The following SEMA3A variants were observed in gnomAD, a reference collection of about 807,000 sequenced individuals.
SEMA3A encodes the protein semaphorin-3A.
Under a neutral mutation model 97.9 loss-of-function variants are expected in SEMA3A, and 29 were observed. The ratio of observed to expected loss-of-function variants is 0.30; its 90% CI spans 0.22 to 0.40. The LOEUF (loss-of-function observed/expected upper bound fraction) is 0.40, where lower values mean the gene tolerates loss of function less well. Ranked by LOEUF, SEMA3A falls within the 10% of genes least tolerant of loss-of-function variation. SEMA3A has a pLI of 1.00. For missense variants in SEMA3A, 763 were observed against 951.3 expected, an observed-to-expected ratio of 0.80 and a Z score of 2.60; for synonymous variants, 321 against 323.7, an observed-to-expected ratio of 0.99 and a Z score of 0.09.
intron 1 of SEMA3A, among the ~76,000 whole-genome samples, chr7:84,434,310 C>T (rs2116325796): frequency 6.6e-6 from 1 of 152,032 alleles, no homozygotes; most frequent in South Asian, 2.1e-4. Flanking sequence ...AAGAGTAAAT[C>T]AGGAAGAAAT....
intron 1 of SEMA3A, among the ~76,000 whole-genome samples, chr7:84,395,141 T>G (rs761539431): frequency 6.6e-6 from 1 of 152,090 alleles, no homozygotes; most frequent in Non-Finnish European, 1.5e-5. Flanking sequence ...CTTATGTCAC[T>G]AGTATTGTAT....
At chr7:84,249,628 A>G (rs1170561663) in intron 3 of SEMA3A, among the ~76,000 whole-genome samples, 1 of 152,054 alleles carries the variant, frequency 6.6e-6, no homozygotes, top group Non-Finnish European at 1.5e-5. Flanking sequence ...AAAGAGATAA[A>G]ACCAAATACT....
chr7:84,230,754 A>G (rs552800535), intron 3 of SEMA3A, among the ~76,000 whole-genome samples: 1 of 152,092 alleles, frequency 6.6e-6, no homozygotes, highest in East Asian at 1.9e-4. Flanking sequence ...AATCTTGATT[A>G]CACAGTTATC....
rs369761064 is a variant in SEMA3A at position 83,987,031 on chromosome 7, T to C, written c.1453-1554A>G. On this transcript the variant is annotated intron_variant, in intron 12 of 16. Coordinates refer to ENST00000265362, the MANE Select transcript of SEMA3A (RefSeq NM_006080.3). ...ATGCATTTCCATCTCATTTCCTTGC[T>C]TTAATTTTTCTCTTTAGTTCTTATT... is the stretch of plus-strand genomic sequence containing the variant. Among the ~76,000 whole-genome samples the C allele has an allele frequency of 2.9e-4, 44 of 151,704 alleles. No individual in the cohort carries two copies. In the East Asian group the frequency reaches 7.3e-3, roughly 25 times the overall value.
chr7:83,980,940 C>T (rs1789390414), intron 14 of SEMA3A, among the ~76,000 whole-genome samples: 2 of 152,006 alleles, frequency 1.3e-5, no homozygotes, highest in African/African-American at 4.8e-5. Flanking sequence ...CTACCTAAGA[C>T]TCTAAAGGAA....
At chr7:84,020,583 A>C (rs906630805) in intron 6 of SEMA3A, among the ~76,000 whole-genome samples, 2 of 152,008 alleles carry the variant, frequency 1.3e-5, no homozygotes, top group African/African-American at 4.8e-5. Flanking sequence ...CTTACTTACA[A>C]ACTTTCCTCT....
At chr7:84,404,778 C>A (rs542903217) in intron 1 of SEMA3A, among the ~76,000 whole-genome samples, 2 of 152,110 alleles carry the variant, frequency 1.3e-5, no homozygotes, top group African/African-American at 4.8e-5. Flanking sequence ...CCCAGAATTT[C>A]ATATCCAGCC....
At chr7:84,011,137 C>G in intron 8 of SEMA3A, 46 bp from the exon 9 acceptor site, 4 of 1,603,252 alleles carry the variant, frequency 2.5e-6, no homozygotes, top group Non-Finnish European at 3.4e-6. Flanking sequence ...TATGGAATGG[C>G]AAAGTCTGAA....
chr7:84,135,115 AC>A lies in SEMA3A; in HGVS notation c.113-165del, dbSNP rs1796085383. ...ATTGGAACCAAAATGTGTGCATTTT[AC>A]TTTTTTTTTTTTTTTTTGAGATGGA... On this transcript the variant is annotated intron_variant, in intron 1 of 16. Coordinates refer to ENST00000265362, the MANE Select transcript of SEMA3A (RefSeq NM_006080.3). Among the ~76,000 whole-genome samples, 3 of 126,178 alleles carry A rather than the reference AC, an allele frequency of 2.4e-5. No individual in the cohort carries two copies. In the Admixed American group the frequency reaches 2.7e-4, roughly 11 times the overall value. The allele number at this position is 126,178 out of a possible 152,430, so 82.8% of individuals were successfully genotyped here. A position where few individuals can be genotyped will look rare whatever the true frequency, so the allele number is the denominator to read the frequency against.
chr7:84,409,504 T>TAA (rs1368160288), intron 1 of SEMA3A, among the ~76,000 whole-genome samples: 1 of 152,116 alleles, frequency 6.6e-6, no homozygotes, highest in East Asian at 1.9e-4. Context: ...CTAATGTTTT[T>TAA]AGATCAAGAC....
chr7:84,026,885 A>G (rs568412016), intron 6 of SEMA3A, among the ~76,000 whole-genome samples: 1 of 152,262 alleles, frequency 6.6e-6, no homozygotes, highest in South Asian at 2.1e-4. Flanking sequence ...AGAAAAAAAT[A>G]ACTATTGGGT....
chr7:84,209,702 A>T (rs1798579311), intron 3 of SEMA3A, among the ~76,000 whole-genome samples: 1 of 152,218 alleles, frequency 6.6e-6, no homozygotes, highest in Admixed American at 6.5e-5. Context: ...TTTTAGTTGG[A>T]TAATAAAATG....
intron 2 of SEMA3A, among the ~76,000 whole-genome samples, chr7:84,356,494 T>C (rs1163232808): frequency 6.6e-6 from 1 of 151,560 alleles, no homozygotes; most frequent in Non-Finnish European, 1.5e-5. Context: ...TATTTAAGTA[T>C]AAAAGATTCT....
chr7:84,471,678 G>A (rs1348944491), intron 1 of SEMA3A, among the ~76,000 whole-genome samples: 1 of 151,990 alleles, frequency 6.6e-6, no homozygotes, highest in African/African-American at 2.4e-5. Flanking sequence ...GAATGAAAGC[G>A]TTATGAAATC....
intron 14 of SEMA3A, among the ~76,000 whole-genome samples, chr7:83,978,489 A>AAGAT (rs756539399): frequency 6.6e-6 from 1 of 152,172 alleles, no homozygotes; most frequent in Non-Finnish European, 1.5e-5. Flanking sequence ...CAGACTGGAA[A>AAGAT]AGATTGGGGG....
At chr7:84,438,683 T>C (rs1029631687) in intron 1 of SEMA3A, among the ~76,000 whole-genome samples, 1 of 152,048 alleles carries the variant, frequency 6.6e-6, no homozygotes, top group Non-Finnish European at 1.5e-5. Flanking sequence ...GGACTTGATA[T>C]GTTAAAGACT....
intron 1 of SEMA3A, among the ~76,000 whole-genome samples, chr7:84,167,862 C>G (rs1343057563): frequency 6.6e-6 from 1 of 152,010 alleles, no homozygotes; most frequent in Non-Finnish European, 1.5e-5. Flanking sequence ...GATGTAATAG[C>G]TCAATTTTGT....
At position 84,135,109 on chromosome 7, in the gene SEMA3A, C is replaced by T. The variant is rs1584018158; in HGVS notation, c.113-158G>A. ...AAATATATTGGAACCAAAATGTGTG[C>T]ATTTTACTTTTTTTTTTTTTTTTTG... On this transcript the variant is annotated intron_variant, in intron 1 of 16. Coordinates refer to ENST00000265362, the MANE Select transcript of SEMA3A (RefSeq NM_006080.3). 1.4e-5 allele frequency among the ~76,000 whole-genome samples: 2 copies of T among 139,168 alleles called. 1 individual carries two copies. Among genetic ancestry groups the T allele is most frequent in the South Asian group, 4.5e-4 (2 of 4,398 alleles). 91.3% of individuals were successfully genotyped at this position (139,168 alleles called of 152,430 possible).
chr7:84,343,477 T>C (rs1802221234), intron 2 of SEMA3A, among the ~76,000 whole-genome samples: 1 of 152,220 alleles, frequency 6.6e-6, no homozygotes, highest in Non-Finnish European at 1.5e-5. Flanking sequence ...GCTAGGCAGC[T>C]AGAAAACTTA....
Sources: allele counts gnomAD v4.1 joint callset (sites outside exome capture counted in the v4.1 genomes callset), GRCh38; gene constraint gnomAD v4.1.1; transcripts MANE v1.5; gene names NCBI Gene and HGNC (gene_info 2026-07-23, HGNC 2026-07-21).